The following SDCCAG8 variants were observed in gnomAD, a reference collection of about 807,000 sequenced individuals.
SDCCAG8 encodes SHH signaling and ciliogenesis regulator SDCCAG8.
In SDCCAG8, 74 loss-of-function variants were observed where a neutral mutation model predicts 101.8. That is an observed-to-expected ratio of 0.73 (90% CI 0.60 to 0.88). The LOEUF is 0.88. Among genes scored for constraint, SDCCAG8 ranks in the 40% least tolerant of loss-of-function variants. SDCCAG8 has a pLI of 0.00. For missense variants in SDCCAG8, 787 were observed against 822.6 expected, an observed-to-expected ratio of 0.96 and a Z score of 0.53; for synonymous variants, 281 against 292.9, an observed-to-expected ratio of 0.96 and a Z score of 0.41.
intron 8 of SDCCAG8, among the ~76,000 whole-genome samples, chr1:243,309,904 G>T (rs370845166): frequency 7.2e-5 from 11 of 152,004 alleles, no homozygotes; most frequent in African/African-American, 2.4e-4. Context: ...TCTCTCTGTT[G>T]CCAGGCTGGA....
rs74387166 is a variant in SDCCAG8 at position 243,371,814 on chromosome 1, A to T, written c.1474-6907A>T. ...CTATGCCAAAAAATTTTCTGTGATG[A>T]TGAAAATATTTTATACCTGCACTTT... On this transcript the variant is annotated intron_variant, in intron 12 of 17. Transcript: ENST00000366541. 2.7e-4 allele frequency among the ~76,000 whole-genome samples: 41 copies of T among 152,302 alleles called. No homozygotes were observed. The East Asian group carries it at 7.2e-3, about 27-fold the overall frequency.
chr1:243,348,308 C>T (rs910361259), intron 12 of SDCCAG8, among the ~76,000 whole-genome samples: 1 of 151,534 alleles, frequency 6.6e-6, no homozygotes, highest in African/African-American at 2.4e-5. Flanking sequence ...CCTCGGCCTC[C>T]CAAAGTGCTG....
At chr1:243,398,836 AG>A (rs1214714132) in intron 13 of SDCCAG8, among the ~76,000 whole-genome samples, 1 of 152,258 alleles carries the variant, frequency 6.6e-6, no homozygotes, top group Non-Finnish European at 1.5e-5. Flanking sequence ...AGTTGTACCT[AG>A]TAAAGTGTCT....
chr1:243,346,349 G>A (rs1027716255), intron 12 of SDCCAG8: 5 of 154,096 alleles, frequency 3.2e-5, no homozygotes, highest in East Asian at 3.9e-4. Context: ...ATATAAAGTA[G>A]ATTAAATGTT....
At chr1:243,363,948 T>C (rs937045375) in intron 12 of SDCCAG8, among the ~76,000 whole-genome samples, 1 of 152,198 alleles carries the variant, frequency 6.6e-6, no homozygotes, top group African/African-American at 2.4e-5. Context: ...TAAAATTAGT[T>C]AGAAAATATA....
chr1:243,420,907 T>C (rs1199005234), intron 15 of SDCCAG8, among the ~76,000 whole-genome samples: 1 of 152,194 alleles, frequency 6.6e-6, no homozygotes, highest in Non-Finnish European at 1.5e-5. Flanking sequence ...ACTGCTTCTT[T>C]TAAAATACAA....
intron 8 of SDCCAG8, among the ~76,000 whole-genome samples, chr1:243,316,354 T>A (rs2073230485): frequency 6.6e-6 from 1 of 152,238 alleles, no homozygotes; most frequent in Non-Finnish European, 1.5e-5. Context: ...ATCTGCTGCA[T>A]GGACAAAGCC....
chr1:243,446,746 G>A (rs941112481), intron 16 of SDCCAG8, among the ~76,000 whole-genome samples: 8 of 151,914 alleles, frequency 5.3e-5, no homozygotes, highest in South Asian at 2.1e-4. Flanking sequence ...TAAAAGCATC[G>A]GCCACTGTTC....
intron 9 of SDCCAG8, among the ~76,000 whole-genome samples, chr1:243,319,716 T>G (rs925340664): frequency 2.0e-5 from 3 of 152,176 alleles, no homozygotes; most frequent in Non-Finnish European, 4.4e-5. Context: ...CTCTTCATTC[T>G]ATCTCTTTCA....
intron 9 of SDCCAG8, among the ~76,000 whole-genome samples, chr1:243,324,965 A>T (rs2074042602): frequency 1.3e-5 from 2 of 152,200 alleles, no homozygotes; most frequent in South Asian, 4.1e-4. Flanking sequence ...TGTTCAATCT[A>T]TGAGGCTCAA....
At chr1:243,413,186 T>C (rs1573903962) in intron 13 of SDCCAG8, among the ~76,000 whole-genome samples, 1 of 152,308 alleles carries the variant, frequency 6.6e-6, no homozygotes, top group South Asian at 2.1e-4. Context: ...AGTTCTTTTC[T>C]ATAGTCAATT....
chr1:243,473,537 T>A (rs1387175745), intron 16 of SDCCAG8, among the ~76,000 whole-genome samples: 1 of 152,192 alleles, frequency 6.6e-6, no homozygotes, highest in Non-Finnish European at 1.5e-5. Flanking sequence ...AAGTTTCTTT[T>A]TAAAGGCGAA....
intron 6 of SDCCAG8, among the ~76,000 whole-genome samples, chr1:243,296,838 T>G (rs2070975735): frequency 6.6e-6 from 1 of 152,156 alleles, no homozygotes; most frequent in Non-Finnish European, 1.5e-5. Flanking sequence ...CGGCCCCAAC[T>G]GCTCTTTTTA....
At chr1:243,348,037 CTTTT>C (rs1181379015) in intron 12 of SDCCAG8, among the ~76,000 whole-genome samples, 1 of 103,382 alleles carries the variant, frequency 9.7e-6, no homozygotes, top group Non-Finnish European at 1.9e-5. Flanking sequence ...TTTTTTTTTT[CTTTT>C]TTTTTTTTTT....
chr1:243,451,413 T>A (rs1401897978), intron 16 of SDCCAG8, among the ~76,000 whole-genome samples: 1 of 152,234 alleles, frequency 6.6e-6, no homozygotes, highest in Non-Finnish European at 1.5e-5. Flanking sequence ...CTTGGAACTT[T>A]TTTTTGTCCT....
chr1:243,440,297 G>T (rs2082447783), intron 16 of SDCCAG8, among the ~76,000 whole-genome samples: 1 of 151,926 alleles, frequency 6.6e-6, no homozygotes, highest in African/African-American at 2.4e-5. Context: ...ACACTTAATA[G>T]TATATCATTA....
chr1:243,270,904 TGGAA>T, intron 2 of SDCCAG8, 70 bp from the exon 3 acceptor site: 1 of 1,066,816 alleles, frequency 9.4e-7, no homozygotes. Flanking sequence ...TTTTATTAGT[TGGAA>T]GGATGGATGG....
At chr1:243,309,920 G>A (rs1448400985) in intron 8 of SDCCAG8, among the ~76,000 whole-genome samples, 1 of 152,106 alleles carries the variant, frequency 6.6e-6, no homozygotes, top group Non-Finnish European at 1.5e-5. Flanking sequence ...CTGGAGTGCA[G>A]TGGCGCAATC....
At chr1:243,349,886 T>C (rs1338631002) in intron 12 of SDCCAG8, among the ~76,000 whole-genome samples, 1 of 152,148 alleles carries the variant, frequency 6.6e-6, no homozygotes, top group Non-Finnish European at 1.5e-5. Flanking sequence ...TTGTGGCTAC[T>C]ACTGAGTAGA....
Sources: gnomAD v4.1 joint callset for allele counts (sites outside exome capture counted in the v4.1 genomes callset) on GRCh38, gnomAD v4.1.1 for gene constraint, MANE v1.5 for transcripts, NCBI Gene and HGNC (gene_info 2026-07-23, HGNC 2026-07-21) for gene names.